TM9SF4: variants seen among roughly 807,000 people sequenced by gnomAD.
TM9SF4 encodes dinucleotide oxidase disulfide thiol exchanger 3 superfamily member 4.
In TM9SF4, 26 loss-of-function variants were observed where a neutral mutation model predicts 90.4. The observed-to-expected ratio is 0.29, with a 90% confidence interval of 0.21 to 0.40. The LOEUF is 0.40. Ranked by LOEUF, TM9SF4 falls within the 10% of genes least tolerant of loss-of-function variation. The probability of loss-of-function intolerance (pLI) is 1.00; values close to 1 mark genes in which losing one functional copy is unlikely to be tolerated. For synonymous variants in TM9SF4, 293 were observed against 315.4 expected (o/e 0.93, Z 0.75); for missense variants, 549 against 834.8 (o/e 0.66, Z 4.22).
intron 1 of TM9SF4, among the ~76,000 whole-genome samples, chr20:32,124,462 T>C (rs6142614): frequency 0.35 from 52,874 of 152,138 alleles, 10,559 homozygotes; most frequent in East Asian, 0.72. Flanking sequence ...CTCTGTTCAC[T>C]TGGCTGTGCC....
At chr20:32,147,799 G>A (rs2046784313) in intron 9 of TM9SF4, among the ~76,000 whole-genome samples, 1 of 149,750 alleles carries the variant, frequency 6.7e-6, no homozygotes, top group Admixed American at 6.7e-5. Flanking sequence ...GTTGTAGTGA[G>A]CCAAGAACGT....
intron 1 of TM9SF4, among the ~76,000 whole-genome samples, chr20:32,131,708 CA>C (rs1397244195): frequency 6.6e-6 from 1 of 152,138 alleles, no homozygotes; most frequent in Non-Finnish European, 1.5e-5. Context: ...GTGTGGAAGA[CA>C]AAAGTTCGTT....
intron 14 of TM9SF4, 103 bp downstream of exon 14, chr20:32,158,072 G>A (rs1440057467): frequency 3.2e-5 from 47 of 1,459,474 alleles, no homozygotes; most frequent in African/African-American, 2.0e-4. Flanking sequence ...CGCTTCAGCC[G>A]GCTCTAATAG....
chr20:32,157,189 G>T (rs1600339213), intron 13 of TM9SF4, among the ~76,000 whole-genome samples: 1 of 151,878 alleles, frequency 6.6e-6, no homozygotes, highest in Admixed American at 6.6e-5. Context: ...CTGACCTCAA[G>T]TGATCTGCCC....
At position 32,135,841 on chromosome 20, in the gene TM9SF4, A is replaced by G. The variant is rs533021890; in HGVS notation, c.130-233A>G. On this transcript the variant is annotated intron_variant, in intron 2 of 17. Transcript: ENST00000398022. ...TGTGTCAAGGGATAGTAGCATGTTC[A>G]AGACTCTCACAATGTATTGAATTTG... Among the ~76,000 whole-genome samples the G allele has an allele frequency of 2.0e-5, 3 of 152,346 alleles. No individual in the cohort carries two copies. The South Asian group carries it at 6.2e-4, about 32-fold the overall frequency.
intron 3 of TM9SF4, 148 bp from the exon 4 acceptor site, chr20:32,141,349 A>G (rs1179600431): frequency 1.9e-5 from 17 of 917,368 alleles, no homozygotes; most frequent in Admixed American, 5.3e-5. Flanking sequence ...GCGTGAAGCA[A>G]TGGGAAGGGC....
At chr20:32,126,889 C>T (rs923271246) in intron 1 of TM9SF4, among the ~76,000 whole-genome samples, 2 of 152,176 alleles carry the variant, frequency 1.3e-5, no homozygotes. Context: ...GCGCCTGCCA[C>T]CACGCCGGCT....
chr20:32,160,160 A>T (rs541268289), intron 16 of TM9SF4, 49 bp downstream of exon 16: 1 of 1,612,700 alleles, frequency 6.2e-7, no homozygotes, highest in South Asian at 1.1e-5. Flanking sequence ...TGGATCCAGC[A>T]TTGAACGGGT....
chr20:32,126,064 CG>C (rs1029190809), intron 1 of TM9SF4, among the ~76,000 whole-genome samples: 8 of 124,638 alleles, frequency 6.4e-5, no homozygotes, highest in African/African-American at 2.7e-4. Context: ...CCCTCTTTCC[CG>C]TAAACACACA....
intron 12 of TM9SF4, among the ~76,000 whole-genome samples, chr20:32,154,172 C>A (rs2046883433): frequency 6.6e-6 from 1 of 152,098 alleles, no homozygotes; most frequent in South Asian, 2.1e-4. Context: ...GTGTGTGAGA[C>A]AGAGTCTTGC....
chr20:32,112,289 C>T (rs2046154740), intron 1 of TM9SF4, among the ~76,000 whole-genome samples: 1 of 152,086 alleles, frequency 6.6e-6, no homozygotes, highest in African/African-American at 2.4e-5. Context: ...GTGGTGTGCA[C>T]CTGTAGTACC....
chr20:32,144,641 G>A (rs1384178069), intron 6 of TM9SF4, among the ~76,000 whole-genome samples: 1 of 152,192 alleles, frequency 6.6e-6, no homozygotes, highest in Non-Finnish European at 1.5e-5. Context: ...CAGGCATGGT[G>A]GCTCACACCT....
chr20:32,127,261 A>G (rs747715291), intron 1 of TM9SF4, among the ~76,000 whole-genome samples: 1 of 152,192 alleles, frequency 6.6e-6, no homozygotes, highest in Non-Finnish European at 1.5e-5. Flanking sequence ...TTAGCATTCA[A>G]TACATGTTAG....
At position 32,166,641 on chromosome 20, in the gene TM9SF4, G is replaced by T. The variant is rs920214974; in HGVS notation, c.*1197G>T. The T allele has an allele frequency of 2.0e-5, 3 of 152,270 alleles. No homozygotes were observed. Among genetic ancestry groups the T allele is most frequent in the Non-Finnish European group, 4.4e-5 (3 of 68,110 alleles). 9.4% of individuals were successfully genotyped at this position (152,270 alleles called of 1,614,324 possible). A position where few individuals can be genotyped will look rare whatever the true frequency, so the allele number is the denominator to read the frequency against. On this transcript the variant is annotated 3_prime_UTR_variant, in exon 18 of 18. Coordinates refer to ENST00000398022, the MANE Select transcript of TM9SF4 (RefSeq NM_014742.4). ...CTGTCGTTCTTTCCCCAATCCCCAGGAATGGACAAGAAGCCAACTTAGAAA... is the reference window on the plus strand; with the variant it reads ...CTGTCGTTCTTTCCCCAATCCCCAGTAATGGACAAGAAGCCAACTTAGAAA...
At chr20:32,152,211 C>G (rs2046853252) in intron 12 of TM9SF4, among the ~76,000 whole-genome samples, 1 of 151,886 alleles carries the variant, frequency 6.6e-6, no homozygotes, top group African/African-American at 2.4e-5. Context: ...TTTCTCTGGC[C>G]ACCATATGCC....
chr20:32,126,045 T>G (rs2046414930), intron 1 of TM9SF4, among the ~76,000 whole-genome samples: 1 of 145,832 alleles, frequency 6.9e-6, no homozygotes, highest in Non-Finnish European at 1.5e-5. Flanking sequence ...AGAAATGTGC[T>G]GCACACAGCC....
chr20:32,141,948 T>G, intron 5 of TM9SF4, 53 bp downstream of exon 5: 1 of 1,607,906 alleles, frequency 6.2e-7, no homozygotes, highest in Non-Finnish European at 8.5e-7. Flanking sequence ...TCACGAGTCC[T>G]GAGCACTTGG....
At chr20:32,121,874 C>A (rs1455566973) in intron 1 of TM9SF4, among the ~76,000 whole-genome samples, 1 of 144,594 alleles carries the variant, frequency 6.9e-6, no homozygotes. Flanking sequence ...GCTGGCCGGG[C>A]GGGGGGCTGA....
chr20:32,114,137 T>C (rs2046188004), intron 1 of TM9SF4, among the ~76,000 whole-genome samples: 1 of 152,204 alleles, frequency 6.6e-6, no homozygotes, highest in African/African-American at 2.4e-5. Context: ...AGTTCTTGTG[T>C]GAACATACAT....
Sources: allele counts gnomAD v4.1 joint callset (sites outside exome capture counted in the v4.1 genomes callset), GRCh38; gene constraint gnomAD v4.1.1; transcripts MANE v1.5; gene names NCBI Gene and HGNC (gene_info 2026-07-23, HGNC 2026-07-21).